Variants in EPCAM observed in about 807,000 individuals in gnomAD.
The protein encoded by EPCAM is adenocarcinoma-associated antigen.
EPCAM carries 39 observed loss-of-function variants against 40.0 expected under a neutral mutation model. The observed-to-expected ratio is 0.98, with a 90% CI of 0.76 to 1.27. EPCAM has a LOEUF of 1.27. EPCAM is among the 50% of genes most tolerant of loss of function. EPCAM has a pLI of 0.00. For missense variants in EPCAM, 503 were observed against 381.2 expected, an observed-to-expected ratio of 1.32 and a Z score of -2.66; for synonymous variants, 168 against 132.3, an observed-to-expected ratio of 1.27 and a Z score of -1.85.
intron 7 of EPCAM, among the ~76,000 whole-genome samples, chr2:47,384,467 G>A (rs1671683611): frequency 6.6e-6 from 1 of 151,672 alleles, no homozygotes; most frequent in African/African-American, 2.4e-5. Flanking sequence ...AGGCTGGAGT[G>A]CAATGGCGCC....
rs1558432874 is a variant in EPCAM, at chr2:47,369,669, TAGGG to T, written c.76+93_76+96del. ...CCCTCGGCCCCCGAAACGGGCATAA[TAGGG>T]AGGGGACCAAGAGGCCGCGCTTTCC... On this transcript the variant is annotated intron_variant, in intron 1 of 8. Coordinates refer to ENST00000263735, the MANE Select transcript of EPCAM (RefSeq NM_002354.3). The T allele has an allele frequency of 3.0e-6, 4 of 1,316,476 alleles. No homozygotes were observed. In the Admixed American group the frequency reaches 7.9e-5, roughly 26 times the overall value. The allele number at this position is 1,316,476 out of a possible 1,614,324, so 81.5% of individuals were successfully genotyped here.
At chr2:47,384,403 C>T (rs145704808) in intron 7 of EPCAM, among the ~76,000 whole-genome samples, 2 of 150,272 alleles carry the variant, frequency 1.3e-5, no homozygotes, top group East Asian at 4.0e-4. Flanking sequence ...CATGCCTGAC[C>T]TATTTTATTT....
chr2:47,369,674 A>G, intron 1 of EPCAM, 93 bp downstream of exon 1: 3 of 1,285,556 alleles, frequency 2.3e-6, no homozygotes, highest in Non-Finnish European at 3.3e-6. Context: ...CATAATAGGG[A>G]GGGGACCAAG....
chr2:47,382,322 T>C (rs1187900732), intron 7 of EPCAM, among the ~76,000 whole-genome samples: 4 of 152,202 alleles, frequency 2.6e-5, no homozygotes, highest in African/African-American at 9.7e-5. Context: ...AGTCTAATTG[T>C]TCTGTAGAAA....
rs397514661 is a variant in EPCAM, at chr2:47,374,035, C to T, written c.412C>T (p.Arg138Ter). The change falls in exon 3 of 9, where the codon CGA becomes TGA. Residue 138 changes from arginine to a stop codon, truncating the protein, a stop_gained. Transcript: ENST00000263735. LOFTEE classifies it high-confidence loss of function. ...DKDTEITCSE[R>*]VRTYWIIIEL... ...GGACACTGAAATAACCTGCTCTGAG[C>T]GAGTGAGAACCTAGTGAGTGGGGCT... is the stretch of plus-strand genomic sequence containing the variant. 2.5e-6 allele frequency: 4 copies of T among 1,614,096 alleles called. No individual in the cohort carries two copies. Among genetic ancestry groups the T allele is most frequent in the African/African-American group, 1.3e-5 (1 of 75,012 alleles).
intron 4 of EPCAM, 90 bp downstream of exon 4, chr2:47,375,389 T>A: frequency 1.2e-6 from 1 of 838,140 alleles, no homozygotes; most frequent in Non-Finnish European, 2.0e-6. Context: ...TCTAAATGCT[T>A]TTTTATATTT....
chr2:47,377,861 A>G (rs1298286723), intron 5 of EPCAM: 1 of 421,014 alleles, frequency 2.4e-6, no homozygotes, highest in East Asian at 8.0e-5. Context: ...AAGCTTGAAT[A>G]GTGTGACGGA....
At chr2:47,375,736 C>T (rs1376157639) in intron 4 of EPCAM, among the ~76,000 whole-genome samples, 8 of 148,404 alleles carry the variant, frequency 5.4e-5, no homozygotes, top group African/African-American at 1.7e-4. Flanking sequence ...GACGGAGTCT[C>T]GCTCTGTCAC....
intron 7 of EPCAM, 88 bp from the exon 8 acceptor site, chr2:47,385,078 T>A: frequency 2.0e-6 from 2 of 995,432 alleles, no homozygotes; most frequent in Non-Finnish European, 3.2e-6. Context: ...CAGATCAAAA[T>A]TATGTCCATT....
chr2:47,386,633 TAGA>T lies in EPCAM; in HGVS notation c.*26_*28del, dbSNP rs1558441958. Reference sequence around the variant, plus strand: ...GCATAACTATATAATTTGAAGATTATAGAAGAAGGGAAATAGCAAATGGACACA... The same window carrying T: ...GCATAACTATATAATTTGAAGATTATAGAAGGGAAATAGCAAATGGACACA... On this transcript the variant is annotated 3_prime_UTR_variant, in exon 9 of 9. Transcript: ENST00000263735. The T allele has an allele frequency of 3.2e-6, 5 of 1,573,346 alleles. No individual in the cohort carries two copies. Among genetic ancestry groups the T allele is most frequent in the East Asian group, 2.2e-5 (1 of 44,634 alleles).
chr2:47,375,373 A>T (rs2103750391), intron 4 of EPCAM, 74 bp downstream of exon 4: 2 of 973,136 alleles, frequency 2.1e-6, no homozygotes, highest in Non-Finnish European at 3.3e-6. Flanking sequence ...CATTAGAAAA[A>T]GCAAGTCTAA....
chr2:47,383,054 C>G (rs573057424), intron 7 of EPCAM: 11 of 151,290 alleles, frequency 7.3e-5, no homozygotes, highest in Non-Finnish European at 1.5e-4. Flanking sequence ...CTGCTGTAAT[C>G]CCAGCACTTT....
chr2:47,375,214 A>T lies in EPCAM; in HGVS notation c.426-20A>T, dbSNP rs6744170. ...GAAGACTGAGTTATAGTCAACTGAC[A>T]TTGTCTTTTTACTTTATAGCTGGAT... On this transcript the variant is annotated intron_variant, in intron 3 of 8. Coordinates refer to ENST00000263735, the MANE Select transcript of EPCAM (RefSeq NM_002354.3). 1 of 1,550,432 alleles carries T rather than the reference A, an allele frequency of 6.4e-7. No individual in the cohort carries two copies. The highest frequency in any genetic ancestry group is 8.9e-7 in the Non-Finnish European group (1 of 1,122,860).
chr2:47,373,592 C>T (rs1386996699), intron 2 of EPCAM, 22 bp downstream of exon 2: 7 of 1,556,726 alleles, frequency 4.5e-6, no homozygotes, highest in East Asian at 4.5e-5. Context: ...ATCCTAATTA[C>T]CTGTAAGCTT....
At chr2:47,369,807 T>G (rs1278045277) in intron 1 of EPCAM, 1 of 676,354 alleles carries the variant, frequency 1.5e-6, no homozygotes, top group Non-Finnish European at 2.8e-6. Flanking sequence ...TTTGCTCGCC[T>G]TGGTAGGGAA....
chr2:47,373,174 C>T (rs578124313), intron 1 of EPCAM, among the ~76,000 whole-genome samples: 1 of 142,116 alleles, frequency 7.0e-6, no homozygotes, highest in East Asian at 2.0e-4. Flanking sequence ...CACTGCATTC[C>T]AGCCTGGGCC....
At chr2:47,378,675 A>T (rs566241869) in intron 5 of EPCAM, among the ~76,000 whole-genome samples, 12 of 152,180 alleles carry the variant, frequency 7.9e-5, no homozygotes, top group African/African-American at 2.7e-4. Context: ...TATCTTATTT[A>T]AAAATCTTTT....
intron 4 of EPCAM, 24 bp from the exon 5 acceptor site, chr2:47,376,990 A>G: frequency 6.5e-7 from 1 of 1,544,878 alleles, no homozygotes; most frequent in Non-Finnish European, 9.0e-7. Context: ...TTTTTTTTTA[A>G]TACAGATTTT....
chr2:47,369,584 G>A lies in EPCAM; in HGVS notation c.76+3G>A. Reference sequence around the variant, plus strand: ...GACTTTTGCCGCAGCTCAGGAAGGTGAGGCGCGGATTGGAGCAGAGTTGTG... The same window carrying A: ...GACTTTTGCCGCAGCTCAGGAAGGTAAGGCGCGGATTGGAGCAGAGTTGTG... On this transcript the variant is annotated splice_donor_region_variant and intron_variant, in intron 1 of 8. Transcript: ENST00000263735. The A allele has an allele frequency of 6.3e-7, 1 of 1,589,658 alleles. No homozygotes were observed. Among genetic ancestry groups the A allele is most frequent in the Non-Finnish European group, 8.5e-7 (1 of 1,170,280 alleles).
Sources: gnomAD v4.1 joint callset for allele counts (sites outside exome capture counted in the v4.1 genomes callset) on GRCh38, gnomAD v4.1.1 for gene constraint, MANE v1.5 for transcripts, NCBI Gene and HGNC (gene_info 2026-07-23, HGNC 2026-07-21) for gene names.